ANKHD1: variants seen among roughly 807,000 people sequenced by gnomAD.
ANKHD1 encodes ankyrin repeat and KH domain containing 1.
In ANKHD1, 31 loss-of-function variants were observed where a neutral mutation model predicts 230.5. That is an observed-to-expected ratio of 0.13 (90% confidence interval 0.10 to 0.18). The LOEUF (loss-of-function observed/expected upper bound fraction) is 0.18. Among genes scored for constraint, ANKHD1 ranks in the 10% least tolerant of loss-of-function variants. The probability of loss-of-function intolerance (pLI) is 1.00; values close to 1 mark genes in which losing one functional copy is unlikely to be tolerated. For missense variants in ANKHD1, 2,256 were observed against 3,071.3 expected, an observed-to-expected ratio of 0.73 and a Z score of 6.27; for synonymous variants, 1,074 against 1,117.6, an observed-to-expected ratio of 0.96 and a Z score of 0.78.
chr5:140,496,821 A>G lies in ANKHD1; in HGVS notation c.2547A>G (p.Thr849=). 1 of 1,614,156 alleles carries G rather than the reference A, an allele frequency of 6.2e-7. No homozygotes were observed. The highest frequency in any genetic ancestry group is 8.5e-7 in the Non-Finnish European group (1 of 1,180,030). ...TGGAAAGGCAGTTGCAGATGAAAAC[A>G]CAGCAGCAATTTACCAAAGAATACT... ...QKVERQLQMK[T]QQQFTKEYLE... The change falls in exon 15 of 34, where the codon ACA becomes ACG. Residue 849 remains threonine, a synonymous_variant. Transcript: ENST00000360839.
intron 10 of ANKHD1, among the ~76,000 whole-genome samples, chr5:140,469,987 T>C (rs1200239361): frequency 6.6e-6 from 1 of 152,088 alleles, no homozygotes; most frequent in South Asian, 2.1e-4. Flanking sequence ...AAGGAGTTAA[T>C]AGGTGCTTGC....
rs1752604618 is a variant in ANKHD1, at chr5:140,507,842, T to G, written c.3609T>G (p.Val1203=). Residue 1203 remains valine (V), a synonymous_variant, in exon 20 of 34, where the codon GTT becomes GTG. Transcript: ENST00000360839. The surrounding 1 kb of genome is among the most constrained non-coding windows in gnomAD (Gnocchi z 4.1). ...PLMLAAMNGH[V]PAVKLLLDMG... Reference sequence around the variant, plus strand: ...TGTTGGCTGCAATGAATGGACATGTTCCTGCAGTAAAATTGCTGCTCGATA... The same window carrying G: ...TGTTGGCTGCAATGAATGGACATGTGCCTGCAGTAAAATTGCTGCTCGATA... 6.2e-7 allele frequency: 1 copy of G among 1,614,032 alleles called. No individual in the cohort carries two copies. The highest frequency in any genetic ancestry group is 1.7e-5 in the Admixed American group (1 of 59,986).
intron 1 of ANKHD1, among the ~76,000 whole-genome samples, chr5:140,435,742 C>G (rs1773396965): frequency 6.6e-6 from 1 of 151,886 alleles, no homozygotes; most frequent in Non-Finnish European, 1.5e-5. Context: ...ACCTTGTTGC[C>G]CAGGCTGGTG....
chr5:140,452,956 G>A (rs1774868654), intron 7 of ANKHD1, among the ~76,000 whole-genome samples: 1 of 152,136 alleles, frequency 6.6e-6, no homozygotes, highest in South Asian at 2.1e-4. Context: ...ACACAAAGAA[G>A]CTAAAAACCT....
chr5:140,405,259 C>T (rs892148118), intron 1 of ANKHD1, among the ~76,000 whole-genome samples: 1 of 152,012 alleles, frequency 6.6e-6, no homozygotes, highest in Non-Finnish European at 1.5e-5. Context: ...TCTAGGATAC[C>T]CACTTTAGCC....
At chr5:140,516,171 C>T (rs1237186936) in intron 24 of ANKHD1, among the ~76,000 whole-genome samples, 3 of 151,958 alleles carry the variant, frequency 2.0e-5, no homozygotes, top group African/African-American at 7.3e-5. Context: ...GGAGCCCATG[C>T]GATCAACTGG....
In ANKHD1 at chr5:140,429,748, T is replaced by C. The variant is rs140749001; in HGVS notation, c.307-6356T>C. Reference sequence around the variant, plus strand: ...CTGAGAGAAGTTAATTAGTTATTGATCAATGTAATATGAGATATTATTATT... The same window carrying C: ...CTGAGAGAAGTTAATTAGTTATTGACCAATGTAATATGAGATATTATTATT... On this transcript the variant is annotated intron_variant, in intron 1 of 33. Coordinates refer to ENST00000360839, the MANE Select transcript of ANKHD1 (RefSeq NM_017747.3). 8.8e-4 allele frequency among the ~76,000 whole-genome samples: 134 copies of C among 152,324 alleles called. No individual in the cohort carries two copies. In the Middle Eastern group the frequency reaches 0.014, roughly 15 times the overall value.
chr5:140,485,410 A>ACACACACACACACG lies in ANKHD1; in HGVS notation c.1999-166_1999-165insGCACACACACACAC, dbSNP rs930193385. 6.8e-6 allele frequency among the ~76,000 whole-genome samples: 1 copy of ACACACACACACACG among 147,202 alleles called. No homozygotes were observed. The highest frequency in any genetic ancestry group is 2.4e-5 in the African/African-American group (1 of 41,020). On this transcript the variant is annotated intron_variant, in intron 12 of 33. Coordinates refer to ENST00000360839, the MANE Select transcript of ANKHD1 (RefSeq NM_017747.3). The surrounding 1 kb of genome is among the most constrained non-coding windows in gnomAD (Gnocchi z 4.8). ...CATCTCTATTAAAACACACACACACACACACACACACACACACGTATGTAT... is the reference window on the plus strand; with the variant it reads ...CATCTCTATTAAAACACACACACACACACACACACACACGCACACACACACACACACGTATGTAT...
At chr5:140,481,328 A>T (rs1416956757) in intron 10 of ANKHD1, among the ~76,000 whole-genome samples, 1 of 152,134 alleles carries the variant, frequency 6.6e-6, no homozygotes, top group East Asian at 1.9e-4. Flanking sequence ...TTCAAGATCT[A>T]TTCTAAAGCC....
chr5:140,479,072 C>T (rs1039602808), intron 10 of ANKHD1, among the ~76,000 whole-genome samples: 1 of 151,446 alleles, frequency 6.6e-6, no homozygotes, highest in Admixed American at 6.6e-5. Context: ...GATCTTGGCT[C>T]GCTGCAAGCT....
intron 14 of ANKHD1, among the ~76,000 whole-genome samples, chr5:140,493,534 G>A (rs1200022183): frequency 6.6e-6 from 1 of 152,092 alleles, no homozygotes; most frequent in South Asian, 2.1e-4. Flanking sequence ...AAGAATACTT[G>A]TCTTAATCTC....
At chr5:140,410,867 A>G (rs1364159367) in intron 1 of ANKHD1, among the ~76,000 whole-genome samples, 13 of 152,194 alleles carry the variant, frequency 8.5e-5, no homozygotes, top group Non-Finnish European at 1.8e-4. Context: ...TTATAGATGA[A>G]TAAGTGTAGG....
chr5:140,520,701 T>G (rs1753301959), intron 24 of ANKHD1, among the ~76,000 whole-genome samples: 1 of 147,540 alleles, frequency 6.8e-6, no homozygotes, highest in South Asian at 2.2e-4. Flanking sequence ...ACACCGCATA[T>G]TCTCACTCAT....
At position 140,436,265 on chromosome 5, in the gene ANKHD1, A is replaced by AT; in HGVS notation, c.460+14dup. The AT allele has an allele frequency of 1.3e-6, 2 of 1,538,086 alleles. No homozygotes were observed. Among genetic ancestry groups the AT allele is most frequent in the Non-Finnish European group, 1.7e-6 (2 of 1,146,404 alleles). On this transcript the variant is annotated intron_variant, in intron 2 of 33. Transcript: ENST00000360839. ...CATTGCTAGAAGCAGCAGGTACTTT[A>AT]TTTTTTGTTTTATCTTTTTCATATC... is the stretch of plus-strand genomic sequence containing the variant.
At chr5:140,537,324 T>C (rs1260551968) in intron 30 of ANKHD1, 65 bp from the exon 31 acceptor site, 2 of 1,552,754 alleles carry the variant, frequency 1.3e-6, no homozygotes, top group Admixed American at 2.1e-5. Flanking sequence ...AATAGAGAAA[T>C]ATTTTGCCAC....
intron 1 of ANKHD1, among the ~76,000 whole-genome samples, chr5:140,419,819 T>C (rs1771770173): frequency 7.2e-6 from 1 of 138,996 alleles, no homozygotes; most frequent in Non-Finnish European, 1.6e-5. Context: ...TCTTTCTTTC[T>C]TTCTTTCTTT....
intron 15 of ANKHD1, among the ~76,000 whole-genome samples, chr5:140,502,841 A>G (rs947666280): frequency 6.6e-6 from 1 of 152,162 alleles, no homozygotes; most frequent in Admixed American, 6.6e-5. Context: ...TCCATTTTGC[A>G]TATTCTTATA....
At chr5:140,471,361 TG>T (rs1477602122) in intron 10 of ANKHD1, among the ~76,000 whole-genome samples, 1 of 152,232 alleles carries the variant, frequency 6.6e-6, no homozygotes, top group Non-Finnish European at 1.5e-5. Flanking sequence ...ATAGGTTCCA[TG>T]TTGGATACTT....
intron 2 of ANKHD1, 111 bp downstream of exon 2, chr5:140,436,368 T>A (rs1473456989): frequency 1.6e-6 from 2 of 1,225,006 alleles, no homozygotes; most frequent in Non-Finnish European, 2.1e-6. Context: ...TTAAAATCTC[T>A]AAAATTTATT....
Sources: allele counts gnomAD v4.1 joint callset (sites outside exome capture counted in the v4.1 genomes callset), GRCh38; gene constraint gnomAD v4.1.1; non-coding constraint Gnocchi (gnomAD v3.1); transcripts MANE v1.5; gene names NCBI Gene and HGNC (gene_info 2026-07-23, HGNC 2026-07-21).